PPM1B: variants seen among roughly 807,000 people sequenced by gnomAD.
The protein encoded by PPM1B is protein phosphatase 1B.
A neutral mutation model predicts 43.0 loss-of-function variants in PPM1B; 22 were observed. The observed-to-expected ratio is 0.51, with a 90% CI of 0.37 to 0.73. The LOEUF is 0.73. Ranked by LOEUF, PPM1B falls within the 30% of genes least tolerant of loss-of-function variation. The probability of loss-of-function intolerance (pLI) is 0.00; values close to 1 mark genes in which losing one functional copy is unlikely to be tolerated. For missense variants in PPM1B, 632 were observed against 584.2 expected, an observed-to-expected ratio of 1.08 and a Z score of -0.84; for synonymous variants, 217 against 197.9, an observed-to-expected ratio of 1.10 and a Z score of -0.81.
intron 3 of PPM1B, among the ~76,000 whole-genome samples, chr2:44,214,992 A>T (rs532260447): frequency 6.6e-6 from 1 of 152,228 alleles, no homozygotes; most frequent in African/African-American, 2.4e-5. Flanking sequence ...GGTGTGGTCA[A>T]TTCAGTTTAA....
At chr2:44,205,945 T>A (rs1470145708) in intron 2 of PPM1B, among the ~76,000 whole-genome samples, 2 of 152,138 alleles carry the variant, frequency 1.3e-5, no homozygotes, top group African/African-American at 4.8e-5. Context: ...GAACCTGGGA[T>A]GCAGAGGTTG....
intron 3 of PPM1B, among the ~76,000 whole-genome samples, chr2:44,211,810 C>T (rs1292825335): frequency 7.3e-6 from 1 of 137,606 alleles, no homozygotes; most frequent in African/African-American, 2.8e-5. Context: ...AGTGCAATGG[C>T]ATGATCTTGG....
chr2:44,242,582 A>G (rs1670772626), intron 5 of PPM1B, among the ~76,000 whole-genome samples: 2 of 152,212 alleles, frequency 1.3e-5, no homozygotes, highest in Non-Finnish European at 1.5e-5. Context: ...TCTTAATAGT[A>G]TACAAGAGTA....
At chr2:44,191,714 A>G (rs1026769509) in intron 1 of PPM1B, among the ~76,000 whole-genome samples, 2 of 152,150 alleles carry the variant, frequency 1.3e-5, no homozygotes, top group Non-Finnish European at 2.9e-5. Flanking sequence ...TGGATACTCT[A>G]TAACCAACAA....
chr2:44,237,673 AT>A (rs1055046766), downstream of PPM1B, among the ~76,000 whole-genome samples: 1 of 152,012 alleles, frequency 6.6e-6, no homozygotes, highest in Non-Finnish European at 1.5e-5. Context: ...GGCAACAGTG[AT>A]TTTTTTTAAT....
intron 5 of PPM1B, among the ~76,000 whole-genome samples, chr2:44,225,946 G>A (rs1012094475): frequency 2.7e-5 from 4 of 150,110 alleles, no homozygotes; most frequent in Admixed American, 2.0e-4. Context: ...ATGAGCCACC[G>A]TGCCTGGCTA....
rs767272235 is a variant in PPM1B, at chr2:44,230,837, C to T, written c.*119C>T. 1.1e-5 allele frequency: 16 copies of T among 1,449,316 alleles called. No individual in the cohort carries two copies. The highest frequency in any genetic ancestry group is 1.5e-5 in the Non-Finnish European group (16 of 1,097,250). 89.8% of individuals were successfully genotyped at this position (1,449,316 alleles called of 1,614,324 possible). On this transcript the variant is annotated 3_prime_UTR_variant, in exon 6 of 6. Transcript: ENST00000282412. Reference sequence around the variant, plus strand: ...CTTGGAAAACTAGTTTTATTATATTCAGATAGCCTTGTTTTTTAAAAAGGC... The same window carrying T: ...CTTGGAAAACTAGTTTTATTATATTTAGATAGCCTTGTTTTTTAAAAAGGC...
At chr2:44,196,835 T>C (rs559054420) in intron 1 of PPM1B, among the ~76,000 whole-genome samples, 1 of 152,276 alleles carries the variant, frequency 6.6e-6, no homozygotes, top group Non-Finnish European at 1.5e-5. Context: ...AGAAATAGAA[T>C]CACTGGATCG....
chr2:44,223,877 C>T (rs1040540484), intron 5 of PPM1B, among the ~76,000 whole-genome samples: 1 of 140,268 alleles, frequency 7.1e-6, no homozygotes, highest in African/African-American at 2.6e-5. Context: ...TAACATTAGT[C>T]ACTATGTTTT....
At chr2:44,246,362 C>A (rs1043665596), downstream of PPM1B, among the ~76,000 whole-genome samples, 1 of 152,164 alleles carries the variant, frequency 6.6e-6, no homozygotes, top group East Asian at 1.9e-4. Flanking sequence ...ATTAAGTTTT[C>A]TTGGGTAAAA....
chr2:44,220,393 C>T (rs1572744482), intron 5 of PPM1B, among the ~76,000 whole-genome samples: 1 of 152,096 alleles, frequency 6.6e-6, no homozygotes, highest in East Asian at 1.9e-4. Flanking sequence ...AAAATGATTA[C>T]ACATAGTAGC....
intron 1 of PPM1B, among the ~76,000 whole-genome samples, chr2:44,185,593 A>G (rs547863971): frequency 6.6e-6 from 1 of 152,346 alleles, no homozygotes; most frequent in African/African-American, 2.4e-5. Flanking sequence ...ATTTAGGACA[A>G]GAAAATCTAA....
At chr2:44,222,891 C>T (rs1443261449) in intron 5 of PPM1B, among the ~76,000 whole-genome samples, 6 of 152,136 alleles carry the variant, frequency 3.9e-5, no homozygotes, top group Admixed American at 3.9e-4. Context: ...AGTGCTATGG[C>T]ACCATCATGG....
chr2:44,222,428 G>A (rs1453073005), intron 5 of PPM1B, among the ~76,000 whole-genome samples: 1 of 152,132 alleles, frequency 6.6e-6, no homozygotes, highest in Non-Finnish European at 1.5e-5. Context: ...TTCTTCCCTT[G>A]AAAAAGACTC....
At chr2:44,210,510 A>T (rs560656202) in intron 3 of PPM1B, among the ~76,000 whole-genome samples, 4 of 152,256 alleles carry the variant, frequency 2.6e-5, no homozygotes, top group African/African-American at 9.6e-5. Flanking sequence ...ATGAGCCAGC[A>T]CAGCCAGCCT....
At chr2:44,217,832 AT>A in intron 3 of PPM1B, 134 bp from the exon 4 acceptor site, 1 of 466,914 alleles carries the variant, frequency 2.1e-6, no homozygotes, top group Non-Finnish European at 3.7e-6. Flanking sequence ...CTTCTTAAAA[AT>A]TTTTTGTGTG....
In PPM1B at chr2:44,231,213, GTT is replaced by G; in HGVS notation, c.*496_*497del. ...TTCTTTCAAGGATGATAATTTGTGT[GTT>G]GTTTGATTTGTTTATATTTTACATC... On this transcript the variant is annotated 3_prime_UTR_variant, in exon 6 of 6. Coordinates refer to ENST00000282412, the MANE Select transcript of PPM1B (RefSeq NM_002706.6). The G allele has an allele frequency of 1.0e-6, 1 of 984,234 alleles. No individual in the cohort carries two copies. Among genetic ancestry groups the G allele is most frequent in the African/African-American group, 1.7e-5 (1 of 57,304 alleles). The allele number at this position is 984,234 out of a possible 1,614,324, so 61.0% of individuals were successfully genotyped here.
At chr2:44,217,300 G>C (rs1002243291) in intron 3 of PPM1B, among the ~76,000 whole-genome samples, 4 of 151,832 alleles carry the variant, frequency 2.6e-5, no homozygotes, top group Non-Finnish European at 5.9e-5. Flanking sequence ...TCGGGAGGCT[G>C]AGGCAGGAGA....
At chr2:44,236,228 C>CT (rs1339834263), downstream of PPM1B, among the ~76,000 whole-genome samples, 1 of 151,670 alleles carries the variant, frequency 6.6e-6, no homozygotes, top group Non-Finnish European at 1.5e-5. Flanking sequence ...AAACCTGTCT[C>CT]TACTTAAAAA....
Sources: gnomAD v4.1 joint callset for allele counts (sites outside exome capture counted in the v4.1 genomes callset) on GRCh38, gnomAD v4.1.1 for gene constraint, MANE v1.5 for transcripts, NCBI Gene and HGNC (gene_info 2026-07-23, HGNC 2026-07-21) for gene names.